Variants in RTN1 observed in about 807,000 individuals in gnomAD.
RTN1 encodes reticulon 1, also known as reticulon-1.
Under a neutral mutation model 65.5 loss-of-function variants are expected in RTN1, and 25 were observed. That is an observed-to-expected ratio of 0.38 (90% CI 0.28 to 0.53). The LOEUF is 0.53. Ranked by LOEUF, RTN1 falls within the 20% of genes least tolerant of loss-of-function variation. The probability of loss-of-function intolerance (pLI) is 0.79; values close to 1 mark genes in which losing one functional copy is unlikely to be tolerated. For synonymous variants in RTN1, 471 were observed against 447.6 expected (o/e 1.05, Z -0.66); for missense variants, 983 against 1,025.4 (o/e 0.96, Z 0.57).
At chr14:59,606,083 T>C (rs1157905312) in intron 4 of RTN1, 1 of 137,100 alleles carries the variant, frequency 7.3e-6, no homozygotes, top group Non-Finnish European at 1.5e-5. Context: ...TTAAATTTAA[T>C]TCTTGGGTGG....
chr14:59,869,106 T>C (rs1302308587), intron 1 of RTN1, among the ~76,000 whole-genome samples: 1 of 152,110 alleles, frequency 6.6e-6, no homozygotes, highest in East Asian at 1.9e-4. Context: ...TCTCTTCCTT[T>C]CAGGATATTG....
chr14:59,666,063 C>A (rs1883365653), intron 3 of RTN1, among the ~76,000 whole-genome samples: 1 of 152,078 alleles, frequency 6.6e-6, no homozygotes, highest in Non-Finnish European at 1.5e-5. Context: ...ATATCCAGGA[C>A]CTGAACTCAG....
chr14:59,744,960 A>G (rs1372281663), intron 2 of RTN1, among the ~76,000 whole-genome samples: 1 of 152,158 alleles, frequency 6.6e-6, no homozygotes, highest in African/African-American at 2.4e-5. Context: ...AGCCTTTGAG[A>G]GGCTATGGAC....
intron 1 of RTN1, among the ~76,000 whole-genome samples, chr14:59,848,759 T>C (rs1007554914): frequency 6.6e-6 from 1 of 152,218 alleles, no homozygotes; most frequent in African/African-American, 2.4e-5. Context: ...GGTGCTTATA[T>C]GCTTGGCTGT....
intron 1 of RTN1, among the ~76,000 whole-genome samples, chr14:59,837,183 T>C (rs966278796): frequency 6.6e-6 from 1 of 151,892 alleles, no homozygotes; most frequent in Admixed American, 6.6e-5. Context: ...CGAAAGCAAA[T>C]ATTTAGTAGA....
At chr14:59,722,273 G>A (rs955328210) in intron 3 of RTN1, among the ~76,000 whole-genome samples, 2 of 152,214 alleles carry the variant, frequency 1.3e-5, no homozygotes, top group African/African-American at 4.8e-5. Context: ...TCTATGGGAT[G>A]TCCAATACAC....
rs371934291 is a variant in RTN1 at position 59,672,665 on chromosome 14, G to A, written c.1765+54254C>T. ...TTTTTTTTTTTTGAGACGGAGTCTC[G>A]CTCTGTCGCCCAGGCCGGACTGCGG... On this transcript the variant is annotated intron_variant, in intron 3 of 8. Transcript: ENST00000267484. Among the ~76,000 whole-genome samples, 118 of 110,116 alleles carry A rather than the reference G, an allele frequency of 1.1e-3. 1 individual carries two copies. The East Asian group carries it at 0.031, about 29-fold the overall frequency. The allele number at this position is 110,116 out of a possible 152,430, so 72.2% of individuals were successfully genotyped here.
intron 1 of RTN1, among the ~76,000 whole-genome samples, chr14:59,777,502 T>C (rs971550674): frequency 2.0e-5 from 3 of 152,122 alleles, no homozygotes; most frequent in Non-Finnish European, 4.4e-5. Flanking sequence ...CCTTCTTCCC[T>C]TTGGCCATTG....
At chr14:59,820,364 T>TTTG (rs1011266370) in intron 1 of RTN1, among the ~76,000 whole-genome samples, 1 of 146,368 alleles carries the variant, frequency 6.8e-6, no homozygotes, top group African/African-American at 2.6e-5. Flanking sequence ...TAGTTTTTTT[T>TTTG]TTTTTTTTTT....
In RTN1 at chr14:59,749,108, ATATATATATATATATAGATATATC is replaced by A. The variant is rs1885295276; in HGVS notation, c.242-2651_242-2628del. ...GGGGCATCTATATATATATCTATAT[ATATATATATATATATAGATATATC>A]TATATCTATCTATCTATCTATCTAT... is the stretch of plus-strand genomic sequence containing the variant. On this transcript the variant is annotated intron_variant, in intron 1 of 8. Coordinates refer to ENST00000267484, the MANE Select transcript of RTN1 (RefSeq NM_021136.3). Among the ~76,000 whole-genome samples the A allele has an allele frequency of 5.4e-5, 3 of 55,834 alleles. 1 individual carries two copies. Among genetic ancestry groups the A allele is most frequent in the African/African-American group, 4.3e-4 (3 of 7,000 alleles). The allele number at this position is 55,834 out of a possible 152,430, so 36.6% of individuals were successfully genotyped here.
intron 1 of RTN1, among the ~76,000 whole-genome samples, chr14:59,810,496 G>T (rs1248857371): frequency 6.6e-6 from 1 of 152,094 alleles, no homozygotes; most frequent in Non-Finnish European, 1.5e-5. Context: ...AACTATGGTG[G>T]GCTAATTGTT....
intron 3 of RTN1, among the ~76,000 whole-genome samples, chr14:59,697,928 G>C (rs1360883863): frequency 2.0e-5 from 3 of 152,088 alleles, no homozygotes; most frequent in African/African-American, 4.8e-5. Context: ...ATTTAGAAAA[G>C]CGGGTTGGAG....
At chr14:59,856,171 C>T (rs943673946) in intron 1 of RTN1, among the ~76,000 whole-genome samples, 6 of 152,094 alleles carry the variant, frequency 3.9e-5, no homozygotes, top group Non-Finnish European at 7.4e-5. Flanking sequence ...CTTCATTCAC[C>T]TTTCAGAGTC....
At position 59,788,371 on chromosome 14, in the gene RTN1, G is replaced by C. The variant is rs111495737; in HGVS notation, c.242-41890C>G. 8.4e-3 allele frequency among the ~76,000 whole-genome samples: 1,285 copies of C among 152,096 alleles called. 9 individuals are homozygous for C. The highest frequency in any genetic ancestry group is 0.015 in the Non-Finnish European group (1,020 of 67,980). ...GAGAGTTCCTGCTTCCGTTTACCTT[G>C]GCCAACACTGAGAATTAGCAAACAC... On this transcript the variant is annotated intron_variant, in intron 1 of 8. Coordinates refer to ENST00000267484, the MANE Select transcript of RTN1 (RefSeq NM_021136.3).
intron 3 of RTN1, among the ~76,000 whole-genome samples, chr14:59,650,570 A>C (rs770180849): frequency 1.8e-4 from 28 of 152,212 alleles, no homozygotes; most frequent in Admixed American, 1.8e-3. Flanking sequence ...CTCAGGATAC[A>C]AAATCAATGT....
intron 1 of RTN1, among the ~76,000 whole-genome samples, chr14:59,830,510 C>G (rs1887106123): frequency 2.0e-5 from 3 of 152,184 alleles, no homozygotes; most frequent in Non-Finnish European, 4.4e-5. Flanking sequence ...GAGAAAGAAC[C>G]AGATGCCTAC....
rs1210412073 is a variant in RTN1 at position 59,870,280 on chromosome 14, G to T, written c.241+110C>A. On this transcript the variant is annotated intron_variant, in intron 1 of 8. Coordinates refer to ENST00000267484, the MANE Select transcript of RTN1 (RefSeq NM_021136.3). The surrounding 1 kb of genome is among the most constrained non-coding windows in gnomAD (Gnocchi z 5.1). Reference sequence around the variant, plus strand: ...GTGGCGACGCGGGGGTGGGGTCGGCGCTCAAGGCAGAAAGCGCGAGGCAGG... The same window carrying T: ...GTGGCGACGCGGGGGTGGGGTCGGCTCTCAAGGCAGAAAGCGCGAGGCAGG... The T allele has an allele frequency of 7.8e-5, 90 of 1,154,340 alleles. No individual in the cohort carries two copies. Among genetic ancestry groups the T allele is most frequent in the Non-Finnish European group, 9.8e-5 (88 of 896,192 alleles). 71.5% of individuals were successfully genotyped at this position (1,154,340 alleles called of 1,614,324 possible).
At chr14:59,742,000 C>G (rs1169633220) in intron 2 of RTN1, among the ~76,000 whole-genome samples, 3 of 152,132 alleles carry the variant, frequency 2.0e-5, no homozygotes, top group Non-Finnish European at 2.9e-5. Flanking sequence ...TTTCCTCTGA[C>G]TAGCAGGTAA....
Position 59,746,031 on chromosome 14 carries a change from A to C in RTN1, c.692T>G (p.Ile231Ser). The C allele has an allele frequency of 6.2e-7, 1 of 1,614,104 alleles. No individual in the cohort carries two copies. The highest frequency in any genetic ancestry group is 8.5e-7 in the Non-Finnish European group (1 of 1,180,004). ...DFKNKDTDIS[I>S]KPEGVREPDK... ...AGGTTCACGGACTCCTTCAGGTTTAATTGAGATGTCAGTGTCTTTATTCTT... is the reference window on the plus strand; with the variant it reads ...AGGTTCACGGACTCCTTCAGGTTTACTTGAGATGTCAGTGTCTTTATTCTT... The change falls in exon 2 of 9, where the codon ATT (isoleucine) becomes AGT (serine). Residue 231 changes from isoleucine to serine, a missense_variant. This residue lies in a region of RTN1 where 818 missense variants were observed against 801.8 expected (regional missense o/e 1.02). Coordinates refer to ENST00000267484, the MANE Select transcript of RTN1 (RefSeq NM_021136.3).
Sources: gnomAD v4.1 joint callset for allele counts (sites outside exome capture counted in the v4.1 genomes callset) on GRCh38, gnomAD v4.1.1 for gene constraint, gnomAD v4.1.1 regional missense constraint, Gnocchi (gnomAD v3.1) non-coding constraint, MANE v1.5 for transcripts, NCBI Gene and HGNC (gene_info 2026-07-23, HGNC 2026-07-21) for gene names.